PHLDB2: variants seen among roughly 807,000 people sequenced by gnomAD.
PHLDB2 encodes pleckstrin homology-like domain family B member 2.
PHLDB2 carries 71 observed loss-of-function variants against 123.6 expected under a neutral mutation model. That is an observed-to-expected ratio of 0.57 (90% CI 0.47 to 0.70). The LOEUF (loss-of-function observed/expected upper bound fraction) is 0.70, where lower values mean the gene tolerates loss of function less well. Among genes scored for constraint, PHLDB2 ranks in the 30% least tolerant of loss-of-function variants. The pLI, the probability that PHLDB2 is intolerant of heterozygous loss-of-function variation, is 0.00. For missense variants in PHLDB2, 1,446 were observed against 1,519.5 expected (o/e 0.95, Z 0.80); for synonymous variants, 547 against 541.6 (o/e 1.01, Z -0.14).
intron 1 of PHLDB2, chr3:111,845,749 T>G: frequency 6.4e-7 from 1 of 1,553,562 alleles, no homozygotes; most frequent in Middle Eastern, 1.7e-4. Context: ...GATGAAGTTC[T>G]GTTGACCTTG....
intron 1 of PHLDB2, among the ~76,000 whole-genome samples, chr3:111,864,701 CA>C (rs1163500351): frequency 6.6e-6 from 1 of 152,160 alleles, no homozygotes. Flanking sequence ...CAGGGTTAGT[CA>C]AAAAGTTTTT....
chr3:111,943,164 A>C (rs1342917351), intron 8 of PHLDB2, among the ~76,000 whole-genome samples: 1 of 152,190 alleles, frequency 6.6e-6, no homozygotes, highest in Non-Finnish European at 1.5e-5. Flanking sequence ...CATTTAAGGC[A>C]GGGTGGTACT....
intron 1 of PHLDB2, among the ~76,000 whole-genome samples, chr3:111,795,813 T>C (rs1409826571): frequency 2.0e-5 from 3 of 151,900 alleles, no homozygotes; most frequent in Non-Finnish European, 4.4e-5. Context: ...CAACCTCCGC[T>C]TCCCGGGATC....
chr3:111,780,545 A>G (rs959683711), intron 1 of PHLDB2, among the ~76,000 whole-genome samples: 1 of 151,762 alleles, frequency 6.6e-6, no homozygotes, highest in African/African-American at 2.4e-5. Context: ...ACCATGAGCC[A>G]AAATAAATCT....
At chr3:111,950,225 A>G (rs2070618450) in intron 10 of PHLDB2, among the ~76,000 whole-genome samples, 1 of 152,336 alleles carries the variant, frequency 6.6e-6, no homozygotes, top group South Asian at 2.1e-4. Context: ...CCATAGTATA[A>G]AGAGTTATCT....
At position 111,962,195 on chromosome 3, in the gene PHLDB2, A is replaced by G. The variant is rs747524448; in HGVS notation, c.2960A>G (p.Asn987Ser). The G allele has an allele frequency of 6.3e-6, 10 of 1,582,578 alleles. No individual in the cohort carries two copies. Among genetic ancestry groups the G allele is most frequent in the Non-Finnish European group, 7.7e-6 (9 of 1,171,312 alleles). The change falls in exon 13 of 18, where the codon AAT (asparagine) becomes AGT (serine). Residue 987 changes from asparagine to serine, a missense_variant. Coordinates refer to ENST00000431670, the MANE Select transcript of PHLDB2 (RefSeq NM_001134438.2). ...GCATCTGAATCAAATGTCTACTTGA[A>G]TAGTTTCCATTATCCAGATCACAGC... is the stretch of plus-strand genomic sequence containing the variant. The part of the protein sequence containing the change: ...RTASESNVYL[N>S]SFHYPDHSYK...
intron 12 of PHLDB2, chr3:111,957,369 T>C (rs2071123191): frequency 6.5e-6 from 1 of 152,702 alleles, no homozygotes. Context: ...TTTAGTCTAA[T>C]GATTATTTCT....
intron 2 of PHLDB2, among the ~76,000 whole-genome samples, chr3:111,912,819 T>TA (rs1174713388): frequency 1.7e-4 from 26 of 152,006 alleles, no homozygotes; most frequent in Middle Eastern, 6.8e-3. Context: ...AATGGAGGTT[T>TA]AAAAAAAATG....
In PHLDB2 at chr3:111,775,264, G is replaced by T. The variant is rs572265976; in HGVS notation, c.-49+42561G>T. Among the ~76,000 whole-genome samples the T allele has an allele frequency of 2.6e-5, 4 of 152,218 alleles. No individual in the cohort carries two copies. In the East Asian group the frequency reaches 5.8e-4, roughly 22 times the overall value. On this transcript the variant is annotated intron_variant, in intron 1 of 17. Coordinates refer to the PHLDB2 transcript ENST00000393923. ...CGGACTATCATTTTGCTAGATGCAG[G>T]GTTGGTCCACACCCTTAGAAAACAA...
chr3:111,831,219 T>C (rs1476162181), intron 1 of PHLDB2, among the ~76,000 whole-genome samples: 1 of 152,182 alleles, frequency 6.6e-6, no homozygotes, highest in Non-Finnish European at 1.5e-5. Context: ...CAAATCACTT[T>C]GCATATGCAT....
chr3:111,763,810 G>A (rs566827515), intron 1 of PHLDB2, among the ~76,000 whole-genome samples: 5 of 152,098 alleles, frequency 3.3e-5, no homozygotes, highest in Non-Finnish European at 7.4e-5. Flanking sequence ...CACCATTCGT[G>A]AACCAGGAAA....
chr3:111,771,956 G>A (rs1293715540), intron 1 of PHLDB2, among the ~76,000 whole-genome samples: 1 of 152,046 alleles, frequency 6.6e-6, no homozygotes, highest in Non-Finnish European at 1.5e-5. Flanking sequence ...AAAACATAAG[G>A]ATTAACTGTC....
intron 1 of PHLDB2, among the ~76,000 whole-genome samples, chr3:111,808,892 A>G (rs2061713386): frequency 6.6e-6 from 1 of 152,220 alleles, no homozygotes; most frequent in Non-Finnish European, 1.5e-5. Flanking sequence ...TATAGCATCC[A>G]TTTAGAACTC....
intron 1 of PHLDB2, among the ~76,000 whole-genome samples, chr3:111,802,773 A>AT (rs2108276555): frequency 6.6e-6 from 1 of 152,192 alleles, no homozygotes; most frequent in Non-Finnish European, 1.5e-5. Flanking sequence ...TAAAACTTCC[A>AT]TTTTTTCACT....
At chr3:111,770,103 A>C (rs983387232) in intron 1 of PHLDB2, among the ~76,000 whole-genome samples, 5 of 152,248 alleles carry the variant, frequency 3.3e-5, no homozygotes, top group Admixed American at 6.5e-5. Flanking sequence ...TGTAATGAGA[A>C]AAACAGGCCA....
At chr3:111,894,924 T>C (rs2066729851) in intron 2 of PHLDB2, among the ~76,000 whole-genome samples, 1 of 127,064 alleles carries the variant, frequency 7.9e-6, no homozygotes, top group South Asian at 2.5e-4. Context: ...TACAAATTGC[T>C]GGTTTGCGTG....
At chr3:111,956,049 G>A (rs979819936) in intron 12 of PHLDB2, among the ~76,000 whole-genome samples, 1 of 152,130 alleles carries the variant, frequency 6.6e-6, no homozygotes, top group African/African-American at 2.4e-5. Context: ...TTAAAAATTA[G>A]CCAGGCATGG....
At chr3:111,797,084 T>C (rs1239633165) in intron 1 of PHLDB2, among the ~76,000 whole-genome samples, 2 of 152,232 alleles carry the variant, frequency 1.3e-5, no homozygotes, top group East Asian at 1.9e-4. Flanking sequence ...ATGTCTTAGC[T>C]AAATGTGATC....
At chr3:111,824,034 G>C (rs527647279) in intron 1 of PHLDB2, among the ~76,000 whole-genome samples, 1 of 152,290 alleles carries the variant, frequency 6.6e-6, no homozygotes, top group African/African-American at 2.4e-5. Flanking sequence ...ATGTGCTTAA[G>C]AGCAGGGCAG....
Sources: allele counts gnomAD v4.1 joint callset (sites outside exome capture counted in the v4.1 genomes callset), GRCh38; gene constraint gnomAD v4.1.1; transcripts MANE v1.5; gene names NCBI Gene and HGNC (gene_info 2026-07-23, HGNC 2026-07-21).